NOL4: variants seen among roughly 807,000 people sequenced by gnomAD.
NOL4 encodes cancer/testis antigen 125.
Under a neutral mutation model 75.9 loss-of-function variants are expected in NOL4, and 17 were observed. The observed-to-expected ratio is 0.22, with a 90% CI of 0.15 to 0.34. The LOEUF (loss-of-function observed/expected upper bound fraction) is 0.34, where lower values mean the gene tolerates loss of function less well. NOL4 is among the 10% of genes least tolerant of loss of function. The probability of loss-of-function intolerance (pLI) is 1.00; values close to 1 mark genes in which losing one functional copy is unlikely to be tolerated. For missense variants in NOL4, 614 were observed against 793.5 expected (o/e 0.77, Z 2.72); for synonymous variants, 292 against 289.9 (o/e 1.01, Z -0.07).
In NOL4 at chr18:34,042,661, G is replaced by A. The variant is rs138089222; in HGVS notation, c.773-23060C>T. Among the ~76,000 whole-genome samples, 16 of 152,126 alleles carry A rather than the reference G, an allele frequency of 1.1e-4. No homozygotes were observed. In the East Asian group the frequency reaches 1.9e-3, roughly 18 times the overall value. ...GGATGCTTTCAGTTATTAAGCATCC[G>A]GTGCAGCAAGTTCCTTTATATTAGT... is the stretch of plus-strand genomic sequence containing the variant. On this transcript the variant is annotated intron_variant, in intron 5 of 10. Transcript: ENST00000261592.
At chr18:34,031,487 C>T (rs2075637960) in intron 5 of NOL4, among the ~76,000 whole-genome samples, 1 of 152,186 alleles carries the variant, frequency 6.6e-6, no homozygotes, top group Admixed American at 6.5e-5. Context: ...TTGTCACCAG[C>T]AATAATCCAC....
At chr18:34,003,786 G>A (rs2073876346) in intron 6 of NOL4, among the ~76,000 whole-genome samples, 2 of 151,916 alleles carry the variant, frequency 1.3e-5, no homozygotes, top group Non-Finnish European at 2.9e-5. Flanking sequence ...AAATTCTAAG[G>A]CCCTCAACTA....
At chr18:33,912,683 C>T (rs1460831088) in intron 9 of NOL4, among the ~76,000 whole-genome samples, 4 of 152,058 alleles carry the variant, frequency 2.6e-5, no homozygotes, top group Non-Finnish European at 4.4e-5. Context: ...ATATGACAAT[C>T]AGCATAGTTT....
At chr18:33,887,470 T>A (rs2064816415) in intron 9 of NOL4, among the ~76,000 whole-genome samples, 1 of 151,820 alleles carries the variant, frequency 6.6e-6, no homozygotes, top group South Asian at 2.1e-4. Flanking sequence ...GTGCACAATG[T>A]GCAGGTTTGT....
chr18:33,971,101 G>A (rs559429719), intron 6 of NOL4, among the ~76,000 whole-genome samples: 2 of 152,232 alleles, frequency 1.3e-5, no homozygotes, highest in African/African-American at 2.4e-5. Flanking sequence ...TTGGAAGAAC[G>A]TGAAAGAATG....
intron 1 of NOL4, among the ~76,000 whole-genome samples, chr18:34,184,683 T>C (rs1055531921): frequency 1.3e-5 from 2 of 152,130 alleles, no homozygotes; most frequent in Non-Finnish European, 2.9e-5. Flanking sequence ...AAGCTCCTTA[T>C]GAATTCACAA....
chr18:34,221,002 A>G (rs892459590), intron 1 of NOL4: 1 of 152,170 alleles, frequency 6.6e-6, no homozygotes, highest in African/African-American at 2.4e-5. Flanking sequence ...AATAACTGAC[A>G]TTTATGATGA....
At chr18:34,163,740 C>A (rs1339429648) in intron 1 of NOL4, among the ~76,000 whole-genome samples, 9 of 152,114 alleles carry the variant, frequency 5.9e-5, no homozygotes, top group Non-Finnish European at 1.2e-4. Flanking sequence ...GAAAAAACTA[C>A]TTTAAAGTTC....
At chr18:34,033,395 A>C (rs1379210106) in intron 5 of NOL4, among the ~76,000 whole-genome samples, 2 of 152,086 alleles carry the variant, frequency 1.3e-5, no homozygotes, top group African/African-American at 4.8e-5. Context: ...TAATTATTTG[A>C]ATAAAGTTAA....
At chr18:34,195,130 C>T (rs980152835) in intron 1 of NOL4, among the ~76,000 whole-genome samples, 1 of 151,922 alleles carries the variant, frequency 6.6e-6, no homozygotes, top group African/African-American at 2.4e-5. Flanking sequence ...ATTTTACTTA[C>T]TCCAACCCAC....
intron 5 of NOL4, among the ~76,000 whole-genome samples, chr18:34,051,388 C>T (rs557679734): frequency 8.6e-5 from 13 of 151,952 alleles, no homozygotes; most frequent in Non-Finnish European, 1.9e-4. Context: ...AATATGTATT[C>T]AAGTAATCAA....
At position 33,852,728 on chromosome 18, in the gene NOL4, G is replaced by A. The variant is rs1293557702; in HGVS notation, c.*114C>T. The A allele has an allele frequency of 6.8e-6, 6 of 885,754 alleles. No individual in the cohort carries two copies. The allele number at this position is 885,754 out of a possible 1,614,324, so 54.9% of individuals were successfully genotyped here. A position where few individuals can be genotyped will look rare whatever the true frequency, so the allele number is the denominator to read the frequency against. Reference sequence around the variant, plus strand: ...TCAAGGACAATGTGGCATAATGGAAGTATTTCTCTTAAAAGACTGTGCAGT... The same window carrying A: ...TCAAGGACAATGTGGCATAATGGAAATATTTCTCTTAAAAGACTGTGCAGT... On this transcript the variant is annotated 3_prime_UTR_variant, in exon 11 of 11. Transcript: ENST00000261592.
chr18:34,054,035 A>T (rs1189269214), intron 5 of NOL4, among the ~76,000 whole-genome samples: 1 of 151,936 alleles, frequency 6.6e-6, no homozygotes, highest in Non-Finnish European at 1.5e-5. Context: ...CATACTTGTA[A>T]GTGATGCAAG....
chr18:33,937,557 A>G (rs1406832713), intron 9 of NOL4, among the ~76,000 whole-genome samples: 1 of 152,070 alleles, frequency 6.6e-6, no homozygotes, highest in Non-Finnish European at 1.5e-5. Flanking sequence ...GAAAATTCTA[A>G]AAATTTTGAG....
intron 6 of NOL4, among the ~76,000 whole-genome samples, chr18:33,965,941 C>T (rs2070546510): frequency 6.6e-6 from 1 of 152,040 alleles, no homozygotes; most frequent in Non-Finnish European, 1.5e-5. Flanking sequence ...AAACACTGTT[C>T]AGTTTAGGTG....
At chr18:34,097,278 T>G (rs2145592881) in intron 4 of NOL4, among the ~76,000 whole-genome samples, 2 of 152,332 alleles carry the variant, frequency 1.3e-5, no homozygotes, top group Non-Finnish European at 2.9e-5. Context: ...TGTTGATTTT[T>G]TAAAACTTAT....
chr18:34,000,088 A>T (rs2146215082), intron 6 of NOL4, among the ~76,000 whole-genome samples: 1 of 152,274 alleles, frequency 6.6e-6, no homozygotes, highest in African/African-American at 2.4e-5. Flanking sequence ...AGGATATTCA[A>T]TTGTCATTCT....
chr18:34,187,370 CTTTTTTTTTT>C (rs545524361), intron 1 of NOL4, among the ~76,000 whole-genome samples: 1 of 78,352 alleles, frequency 1.3e-5, no homozygotes, highest in South Asian at 4.4e-4. Flanking sequence ...TAGTCCACTT[CTTTTTTTTTT>C]TTTTTTTTTT....
intron 5 of NOL4, among the ~76,000 whole-genome samples, chr18:34,086,047 T>C (rs1055648328): frequency 6.6e-6 from 1 of 152,132 alleles, no homozygotes; most frequent in Admixed American, 6.5e-5. Context: ...GCAACTGCCA[T>C]AAAGAGAGTT....
Sources: gnomAD v4.1 joint callset for allele counts (sites outside exome capture counted in the v4.1 genomes callset) on GRCh38, gnomAD v4.1.1 for gene constraint, MANE v1.5 for transcripts, NCBI Gene and HGNC (gene_info 2026-07-23, HGNC 2026-07-21) for gene names.